The following MAPK14 variants were observed in gnomAD, a reference collection of about 807,000 sequenced individuals.
The protein encoded by MAPK14 is CSAID-binding protein.
In MAPK14, 16 loss-of-function variants were observed where a neutral mutation model predicts 49.6. That is an observed-to-expected ratio of 0.32 (90% CI 0.22 to 0.49). The LOEUF is 0.49. Among genes scored for constraint, MAPK14 ranks in the 20% least tolerant of loss-of-function variants. The probability of loss-of-function intolerance (pLI) is 0.99; values close to 1 mark genes in which losing one functional copy is unlikely to be tolerated. For synonymous variants in MAPK14, 142 were observed against 158.0 expected, an observed-to-expected ratio of 0.90 and a Z score of 0.76; for missense variants, 200 against 441.2, an observed-to-expected ratio of 0.45 and a Z score of 4.90.
Position 36,072,864 on chromosome 6 carries a change from A to T in MAPK14, c.306-9A>T. 6.9e-7 allele frequency: 1 copy of T among 1,450,272 alleles called. No homozygotes were observed. The highest frequency in any genetic ancestry group is 9.5e-7 in the Non-Finnish European group (1 of 1,048,680). The allele number at this position is 1,450,272 out of a possible 1,614,324, so 89.8% of individuals were successfully genotyped here. A position where few individuals can be genotyped will look rare whatever the true frequency, so the allele number is the denominator to read the frequency against. ...CTAGATTGTTATGTAACTTTTCACT[A>T]ATTTCTAGGTATCTGGTGACCCATC... is the stretch of plus-strand genomic sequence containing the variant. On this transcript the variant is annotated splice_polypyrimidine_tract_variant and intron_variant, in intron 3 of 11. Coordinates refer to ENST00000229794, the MANE Select transcript of MAPK14 (RefSeq NM_139012.3).
intron 8 of MAPK14, among the ~76,000 whole-genome samples, chr6:36,084,356 A>T (rs191607124): frequency 1.4e-4 from 21 of 152,374 alleles, no homozygotes; most frequent in African/African-American, 4.8e-4. Flanking sequence ...AGATGGATGA[A>T]TTGACAGAAG....
At position 36,111,226 on chromosome 6, in the gene MAPK14, A is replaced by G. The variant is rs1487207604; in HGVS notation, c.*2779A>G. On this transcript the variant is annotated 3_prime_UTR_variant, in exon 12 of 12. Coordinates refer to ENST00000229794, the MANE Select transcript of MAPK14 (RefSeq NM_139012.3). ...TTCCAGTATCCATAAATAAAGTTTTATGAGAACAGAGCCGCACTCATCTGT... is the reference window on the plus strand; with the variant it reads ...TTCCAGTATCCATAAATAAAGTTTTGTGAGAACAGAGCCGCACTCATCTGT... 2.0e-5 allele frequency: 3 copies of G among 152,198 alleles called. No homozygotes were observed. Among genetic ancestry groups the G allele is most frequent in the Non-Finnish European group, 4.4e-5 (3 of 68,024 alleles). The allele number at this position is 152,198 out of a possible 1,614,324, so 9.4% of individuals were successfully genotyped here.
intron 8 of MAPK14, among the ~76,000 whole-genome samples, chr6:36,091,834 C>G (rs1258419309): frequency 2.3e-5 from 3 of 130,652 alleles, no homozygotes; most frequent in South Asian, 2.4e-4. Context: ...TATGGCTCAT[C>G]TTTTCTTTTC....
At chr6:36,094,590 G>A (rs1229542841) in intron 8 of MAPK14, among the ~76,000 whole-genome samples, 2 of 152,206 alleles carry the variant, frequency 1.3e-5, no homozygotes, top group Non-Finnish European at 2.9e-5. Flanking sequence ...GGCTTATAGA[G>A]ACTGTTGTTT....
downstream of MAPK14, among the ~76,000 whole-genome samples, chr6:36,114,820 A>G (rs1187527495): frequency 6.6e-6 from 1 of 152,194 alleles, no homozygotes; most frequent in African/African-American, 2.4e-5. Flanking sequence ...ACAGGCAGAA[A>G]ATCTGGTAAT....
At chr6:36,090,556 C>T (rs370082177) in intron 8 of MAPK14, among the ~76,000 whole-genome samples, 29 of 149,478 alleles carry the variant, frequency 1.9e-4, no homozygotes, top group Admixed American at 4.7e-4. Flanking sequence ...GACAGAGTCT[C>T]GCTCTGTCGC....
At chr6:36,050,204 A>G (rs1763338794) in intron 1 of MAPK14, among the ~76,000 whole-genome samples, 1 of 152,184 alleles carries the variant, frequency 6.6e-6, no homozygotes, top group African/African-American at 2.4e-5. Flanking sequence ...GACTTTATCC[A>G]GGTGAGTACA....
the MAPK14 span, among the ~76,000 whole-genome samples, chr6:36,116,725 C>T: frequency 6.6e-6 from 1 of 152,318 alleles, no homozygotes; most frequent in African/African-American, 2.4e-5. Flanking sequence ...GAAACCTCCA[C>T]AATGCAGGAC....
rs543304881 is a variant in MAPK14, at chr6:36,081,924, GT to G, written c.682+5320del. Among the ~76,000 whole-genome samples the G allele has an allele frequency of 6.8e-3, 1,026 of 151,344 alleles. 9 individuals carry two copies. The highest frequency in any genetic ancestry group is 0.024 in the African/African-American group (974 of 41,280). On this transcript the variant is annotated intron_variant, in intron 8 of 11. Coordinates refer to ENST00000229794, the MANE Select transcript of MAPK14 (RefSeq NM_139012.3). ...AAGTCTTTATTTTTTTTTCAGCAGTGTTTTATAGTTTTCAGTTGTAAAGTAT... is the reference window on the plus strand; with the variant it reads ...AAGTCTTTATTTTTTTTTCAGCAGTGTTTATAGTTTTCAGTTGTAAAGTAT...
intron 1 of MAPK14, among the ~76,000 whole-genome samples, chr6:36,033,421 A>T (rs896897704): frequency 6.6e-6 from 1 of 152,116 alleles, no homozygotes. Flanking sequence ...AGTTCAAGCA[A>T]TTCTCCTGCC....
intron 9 of MAPK14, 107 bp downstream of exon 9, chr6:36,096,173 G>T (rs1765438163): frequency 1.1e-5 from 8 of 746,172 alleles, no homozygotes. Flanking sequence ...CATGCCCTTT[G>T]TGTGCTGACT....
intron 8 of MAPK14, among the ~76,000 whole-genome samples, chr6:36,089,478 C>T (rs558503649): frequency 7.2e-5 from 11 of 152,264 alleles, no homozygotes; most frequent in African/African-American, 2.2e-4. Flanking sequence ...GAGCAAACCA[C>T]GATGGCACAT....
intron 1 of MAPK14, among the ~76,000 whole-genome samples, chr6:36,045,061 A>G (rs1343960080): frequency 6.6e-6 from 1 of 151,572 alleles, no homozygotes; most frequent in Admixed American, 6.6e-5. Flanking sequence ...TGAGGCCAGG[A>G]GGTTGAGGCT....
At chr6:36,101,423 C>T (rs72657686) in intron 9 of MAPK14, among the ~76,000 whole-genome samples, 16,380 of 152,064 alleles carry the variant, frequency 0.11, 1,678 homozygotes, top group East Asian at 0.51. Flanking sequence ...GGCAACAGAG[C>T]AGAGACTGTG....
intron 1 of MAPK14, among the ~76,000 whole-genome samples, chr6:36,042,237 A>G (rs1762988850): frequency 6.6e-6 from 1 of 152,082 alleles, no homozygotes; most frequent in South Asian, 2.1e-4. Context: ...AAAGTCTACA[A>G]ATGGTTCTTT....
chr6:36,043,051 G>A (rs1322737870), intron 1 of MAPK14, among the ~76,000 whole-genome samples: 1 of 151,752 alleles, frequency 6.6e-6, no homozygotes, highest in Non-Finnish European at 1.5e-5. Context: ...TGGGGCCTGG[G>A]AAGTCAAAGC....
At chr6:36,068,508 C>T (rs1764147883) in intron 3 of MAPK14, among the ~76,000 whole-genome samples, 2 of 152,164 alleles carry the variant, frequency 1.3e-5, no homozygotes. Context: ...GTTGCAGAAG[C>T]TTGTGCTTAC....
chr6:36,075,810 A>C, intron 6 of MAPK14, 38 bp from the exon 7 acceptor site: 2 of 1,612,712 alleles, frequency 1.2e-6, no homozygotes, highest in Non-Finnish European at 1.7e-6. Context: ...CCTGTTTCTA[A>C]GTCTTAGCAG....
chr6:36,067,583 G>C (rs1034101163), intron 3 of MAPK14, among the ~76,000 whole-genome samples: 1 of 152,072 alleles, frequency 6.6e-6, no homozygotes, highest in Non-Finnish European at 1.5e-5. Context: ...TAGACTGTGT[G>C]GTAAAATATT....
Sources: allele counts gnomAD v4.1 joint callset (sites outside exome capture counted in the v4.1 genomes callset), GRCh38; gene constraint gnomAD v4.1.1; transcripts MANE v1.5; gene names NCBI Gene and HGNC (gene_info 2026-07-23, HGNC 2026-07-21).